ATP2A2: variants seen among roughly 807,000 people sequenced by gnomAD.
The protein encoded by ATP2A2 is sarcoplasmic/endoplasmic reticulum calcium ATPase 2.
A neutral mutation model predicts 109.3 loss-of-function variants in ATP2A2; 14 were observed. That is an observed-to-expected ratio of 0.13 (90% CI 0.08 to 0.20). ATP2A2 has a LOEUF of 0.20. Among genes scored for constraint, ATP2A2 ranks in the 10% least tolerant of loss-of-function variants. The pLI, the probability that ATP2A2 is intolerant of heterozygous loss-of-function variation, is 1.00. For synonymous variants in ATP2A2, 506 were observed against 490.9 expected (o/e 1.03, Z -0.41); for missense variants, 657 against 1,321.6 (o/e 0.50, Z 7.80).
At chr12:110,300,816 TAGG>T (rs1289465460) in intron 5 of ATP2A2, among the ~76,000 whole-genome samples, 43 of 151,374 alleles carry the variant, frequency 2.8e-4, no homozygotes, top group Admixed American at 2.7e-3. Flanking sequence ...TGATAATAGA[TAGG>T]AGAGTGTGTA....
chr12:110,326,022 T>C (rs1877763495), intron 6 of ATP2A2: 2 of 288,760 alleles, frequency 6.9e-6, no homozygotes, highest in South Asian at 7.2e-5. Flanking sequence ...TATGTTAAAG[T>C]ATTTATTAAA....
intron 5 of ATP2A2, among the ~76,000 whole-genome samples, chr12:110,308,876 A>C (rs990164180): frequency 1.3e-5 from 2 of 152,200 alleles, no homozygotes; most frequent in Admixed American, 6.6e-5. Context: ...GGTTTTTCAG[A>C]TGTGTTGGAA....
chr12:110,339,463 A>G lies in ATP2A2; in HGVS notation c.1543-40A>G. 1 of 1,614,130 alleles carries G rather than the reference A, an allele frequency of 6.2e-7. No homozygotes were observed. The highest frequency in any genetic ancestry group is 8.5e-7 in the Non-Finnish European group (1 of 1,179,996). On this transcript the variant is annotated intron_variant, in intron 12 of 19. Coordinates refer to ENST00000539276, the MANE Select transcript of ATP2A2 (RefSeq NM_170665.4). The surrounding 1 kb of genome is among the most constrained non-coding windows in gnomAD (Gnocchi z 4.4). ...CCAGGGTTAAGATCCCGGTGAACCA[A>G]TAAAACAAAATTGTTTATCTAAATC... is the stretch of plus-strand genomic sequence containing the variant.
chr12:110,333,288 G>A lies in ATP2A2; in HGVS notation c.1287+5G>A. The A allele has an allele frequency of 1.2e-6, 2 of 1,603,514 alleles. No individual in the cohort carries two copies. Among genetic ancestry groups the A allele is most frequent in the East Asian group, 2.2e-5 (1 of 44,848 alleles). On this transcript the variant is annotated splice_donor_5th_base_variant and intron_variant, in intron 10 of 19. Coordinates refer to ENST00000539276, the MANE Select transcript of ATP2A2 (RefSeq NM_170665.4). ...TCTGCTTTGGATTACAATGAGGTAA[G>A]TCTCTTCATAAATTAGAAGGAATGG...
In ATP2A2 at chr12:110,281,639, G is replaced by C; in HGVS notation, c.-151G>C. On this transcript the variant is annotated 5_prime_UTR_variant, in exon 1 of 20. Coordinates refer to ENST00000539276, the MANE Select transcript of ATP2A2 (RefSeq NM_170665.4). The stretch of plus-strand genomic sequence containing the variant: ...GGGAGGGGGCGCGGGGTGATTCAGC[G>C]CCCGGCGAGGCGGAAGCGGCCGCAA... 1 of 442,930 alleles carries C rather than the reference G, an allele frequency of 2.3e-6. No individual in the cohort carries two copies. Among genetic ancestry groups the C allele is most frequent in the South Asian group, 4.1e-5 (1 of 24,232 alleles). 27.4% of individuals were successfully genotyped at this position (442,930 alleles called of 1,614,324 possible). A position where few individuals can be genotyped will look rare whatever the true frequency, so the allele number is the denominator to read the frequency against.
chr12:110,330,911 CTT>C (rs1878268209), intron 8 of ATP2A2: 1 of 152,142 alleles, frequency 6.6e-6, no homozygotes, highest in Non-Finnish European at 1.5e-5. Context: ...TTCTGAATGT[CTT>C]TTAGAATATT....
chr12:110,340,586 C>A lies in ATP2A2; in HGVS notation c.1762-73C>A. The A allele has an allele frequency of 2.1e-6, 3 of 1,449,108 alleles. No homozygotes were observed. Among genetic ancestry groups the A allele is most frequent in the Non-Finnish European group, 2.9e-6 (3 of 1,039,538 alleles). The allele number at this position is 1,449,108 out of a possible 1,614,324, so 89.8% of individuals were successfully genotyped here. On this transcript the variant is annotated intron_variant, in intron 13 of 19. Coordinates refer to ENST00000539276, the MANE Select transcript of ATP2A2 (RefSeq NM_170665.4). The surrounding 1 kb of genome is among the most constrained non-coding windows in gnomAD (Gnocchi z 6.0). Reference sequence around the variant, plus strand: ...TGCAGAAACCTGTCTCAATGTTTAACTGGGCATTTTTCAAACTAGGGGACA... The same window carrying A: ...TGCAGAAACCTGTCTCAATGTTTAAATGGGCATTTTTCAAACTAGGGGACA...
intron 4 of ATP2A2, 170 bp from the exon 5 acceptor site, chr12:110,296,429 T>A (rs1336160730): frequency 2.2e-5 from 19 of 882,512 alleles, no homozygotes; most frequent in Non-Finnish European, 3.1e-5. Flanking sequence ...TAATACAAAT[T>A]AATAAATGTC....
chr12:110,349,602 T>G lies in ATP2A2; in HGVS notation c.*3132T>G. The G allele has an allele frequency of 1.0e-6, 1 of 986,524 alleles. No homozygotes were observed. The highest frequency in any genetic ancestry group is 1.2e-6 in the Non-Finnish European group (1 of 830,664). The allele number at this position is 986,524 out of a possible 1,614,324, so 61.1% of individuals were successfully genotyped here. Reference sequence around the variant, plus strand: ...CAGCTGCTCCCACATCCCCTCGGACTGGAGCTTCAGCCCTGACTGAGGTGG... The same window carrying G: ...CAGCTGCTCCCACATCCCCTCGGACGGGAGCTTCAGCCCTGACTGAGGTGG... On this transcript the variant is annotated 3_prime_UTR_variant, in exon 20 of 20. Coordinates refer to ENST00000539276, the MANE Select transcript of ATP2A2 (RefSeq NM_170665.4).
intron 3 of ATP2A2, among the ~76,000 whole-genome samples, chr12:110,290,185 C>T (rs976411474): frequency 1.1e-4 from 16 of 152,116 alleles, no homozygotes; most frequent in South Asian, 4.1e-4. Flanking sequence ...TGAAAAGAAA[C>T]GGGGAATTAA....
At position 110,342,137 on chromosome 12, in the gene ATP2A2, T is replaced by G; in HGVS notation, c.2098-91T>G. On this transcript the variant is annotated intron_variant, in intron 14 of 19. Coordinates refer to ENST00000539276, the MANE Select transcript of ATP2A2 (RefSeq NM_170665.4). This position sits in a 1 kb window ranked among gnomAD's most constrained non-coding sequence, Gnocchi z 4.6. ...CCAAGAGACCTACGGCTCTATTCAT[T>G]TTCCTCCTGCTTCCCATTCAGTGGG... 1.4e-6 allele frequency: 2 copies of G among 1,444,950 alleles called. No homozygotes were observed. Among genetic ancestry groups the G allele is most frequent in the Non-Finnish European group, 1.9e-6 (2 of 1,027,896 alleles). The allele number at this position is 1,444,950 out of a possible 1,614,324, so 89.5% of individuals were successfully genotyped here.
chr12:110,348,261 T>C lies in ATP2A2; in HGVS notation c.*1791T>C. On this transcript the variant is annotated 3_prime_UTR_variant, in exon 20 of 20. Coordinates refer to ENST00000539276, the MANE Select transcript of ATP2A2 (RefSeq NM_170665.4). The stretch of plus-strand genomic sequence containing the variant: ...CGTCTTAAATAGGCCACTTCCCCAC[T>C]CCCCCACCCCCCCTTGCTTGGTCTT... 5 of 975,418 alleles carry C rather than the reference T, an allele frequency of 5.1e-6. No homozygotes were observed. Among genetic ancestry groups the C allele is most frequent in the Non-Finnish European group, 6.1e-6 (5 of 821,596 alleles). 60.4% of individuals were successfully genotyped at this position (975,418 alleles called of 1,614,324 possible). A position where few individuals can be genotyped will look rare whatever the true frequency, so the allele number is the denominator to read the frequency against.
Position 110,343,320 on chromosome 12 carries a change from G to A in ATP2A2, c.2407G>A (p.Ala803Thr). ...CAATCTGGTGACAGATGGCCTGCCT[G>A]CCACTGCACTGGGGTTCAACCCTCC... Reference protein sequence around the residue: ...WVNLVTDGLPATALGFNPPDL... With the variant: ...WVNLVTDGLPTTALGFNPPDL... The change falls in exon 16 of 20, where the codon GCC (alanine) becomes ACC (threonine). Residue 803 changes from alanine to threonine, a missense_variant. By Grantham distance (58) the Ala-to-Thr change is moderately conservative. This residue lies in a region of ATP2A2 where 50 missense variants were observed against 176.9 expected (regional missense o/e 0.28). Transcript: ENST00000539276. The A allele has an allele frequency of 6.2e-7, 1 of 1,614,140 alleles. No homozygotes were observed. The highest frequency in any genetic ancestry group is 8.5e-7 in the Non-Finnish European group (1 of 1,180,022).
In ATP2A2 at chr12:110,348,321, T is replaced by A; in HGVS notation, c.*1851T>A. Reference sequence around the variant, plus strand: ...GGCTAAGACTTAGCTCTGCAGGGGATGTTAAAGCACAGTTAGTAGGACGTG... The same window carrying A: ...GGCTAAGACTTAGCTCTGCAGGGGAAGTTAAAGCACAGTTAGTAGGACGTG... On this transcript the variant is annotated 3_prime_UTR_variant, in exon 20 of 20. Coordinates refer to ENST00000539276, the MANE Select transcript of ATP2A2 (RefSeq NM_170665.4). The A allele has an allele frequency of 1.0e-6, 1 of 985,242 alleles. No homozygotes were observed. The highest frequency in any genetic ancestry group is 1.2e-6 in the Non-Finnish European group (1 of 829,926). 61.0% of individuals were successfully genotyped at this position (985,242 alleles called of 1,614,324 possible).
Position 110,343,337 on chromosome 12 carries a change from C to T in ATP2A2, c.2424C>T (p.Phe808=). 6.2e-7 allele frequency: 1 copy of T among 1,614,202 alleles called. No individual in the cohort carries two copies. Among genetic ancestry groups the T allele is most frequent in the Non-Finnish European group, 8.5e-7 (1 of 1,180,040 alleles). ...TDGLPATALG[F]NPPDLDIMNK... is the part of the protein sequence containing the mutation. Reference sequence around the variant, plus strand: ...GCCTGCCTGCCACTGCACTGGGGTTCAACCCTCCTGATCTGGACATCATGA... The same window carrying T: ...GCCTGCCTGCCACTGCACTGGGGTTTAACCCTCCTGATCTGGACATCATGA... Residue 808 remains phenylalanine (F), a synonymous_variant, in exon 16 of 20, where the codon TTC becomes TTT. Coordinates refer to ENST00000539276, the MANE Select transcript of ATP2A2 (RefSeq NM_170665.4).
rs757718780 is a variant in ATP2A2, at chr12:110,350,015, A to G, written c.*3545A>G. On this transcript the variant is annotated 3_prime_UTR_variant, in exon 20 of 20. Coordinates refer to ENST00000539276, the MANE Select transcript of ATP2A2 (RefSeq NM_170665.4). ...TCTCGCTGCTTTCACAGCTGCAACG[A>G]TTGTGTCTGCCTCATGGGGTTTTCC... 115 of 1,368,030 alleles carry G rather than the reference A, an allele frequency of 8.4e-5. No individual in the cohort carries two copies. The highest frequency in any genetic ancestry group is 7.7e-5 in the Non-Finnish European group (82 of 1,059,808). 84.7% of individuals were successfully genotyped at this position (1,368,030 alleles called of 1,614,324 possible).
intron 11 of ATP2A2, among the ~76,000 whole-genome samples, chr12:110,335,390 G>A (rs577253957): frequency 2.6e-5 from 4 of 152,264 alleles, no homozygotes; most frequent in South Asian, 2.1e-4. Context: ...TGGACCAGGC[G>A]CAGTGGCTCA....
chr12:110,313,705 CTTTTTTT>C (rs137984643), intron 5 of ATP2A2, among the ~76,000 whole-genome samples: 1 of 111,904 alleles, frequency 8.9e-6, no homozygotes, highest in South Asian at 3.1e-4. Flanking sequence ...GATAATGGAA[CTTTTTTT>C]TTTTTTTTTT....
chr12:110,324,044 T>G (rs1039711459), intron 6 of ATP2A2, among the ~76,000 whole-genome samples: 1 of 152,208 alleles, frequency 6.6e-6, no homozygotes, highest in Admixed American at 6.5e-5. Context: ...CACAATTGTT[T>G]GAAACATTTT....
Sources: allele counts gnomAD v4.1 joint callset (sites outside exome capture counted in the v4.1 genomes callset), GRCh38; gene constraint gnomAD v4.1.1; regional missense constraint gnomAD v4.1.1; non-coding constraint Gnocchi (gnomAD v3.1); transcripts MANE v1.5; gene names NCBI Gene and HGNC (gene_info 2026-07-23, HGNC 2026-07-21).